HEATR1: variants seen among roughly 807,000 people sequenced by gnomAD.
HEATR1 encodes HEAT repeat-containing protein 1.
HEATR1 carries 77 observed loss-of-function variants against 248.2 expected under a neutral mutation model. The observed-to-expected ratio is 0.31, with a 90% CI of 0.26 to 0.37. HEATR1 has a LOEUF of 0.37. Among genes scored for constraint, HEATR1 ranks in the 10% least tolerant of loss-of-function variants. The pLI, the probability that HEATR1 is intolerant of heterozygous loss-of-function variation, is 1.00. For synonymous variants in HEATR1, 897 were observed against 923.1 expected, an observed-to-expected ratio of 0.97 and a Z score of 0.51; for missense variants, 2,420 against 2,504.9, an observed-to-expected ratio of 0.97 and a Z score of 0.72.
At chr1:236,579,096 T>C (rs1663640628) in intron 20 of HEATR1, among the ~76,000 whole-genome samples, 1 of 152,200 alleles carries the variant, frequency 6.6e-6, no homozygotes. Flanking sequence ...TTCATACAGG[T>C]TGAGCAACCT....
intron 29 of HEATR1, among the ~76,000 whole-genome samples, chr1:236,568,039 C>T (rs981437299): frequency 1.3e-5 from 2 of 152,234 alleles, no homozygotes; most frequent in Non-Finnish European, 2.9e-5. Context: ...CAACCCTCTG[C>T]TCTCCATCAA....
chr1:236,559,287 G>A, intron 34 of HEATR1, 152 bp from the exon 35 acceptor site: 1 of 614,296 alleles, frequency 1.6e-6, no homozygotes. Flanking sequence ...TAACCTTTCA[G>A]GTAGGCATTA....
In HEATR1 at chr1:236,553,645, T is replaced by G; in HGVS notation, c.6173A>C (p.Asp2058Ala). ...GTTCAGTGGTTTCCAAAGAGAGTCA[T>G]CCGCCATGGCCACCGAAAACTGTGC... ...CIAQFSVAMADDSLWKPLNYQ... is the reference protein window; with the variant it reads ...CIAQFSVAMAADSLWKPLNYQ... The change falls in exon 43 of 45, where the codon GAT (aspartate) becomes GCT (alanine). Residue 2058 changes from aspartate to alanine, a missense_variant. By Grantham distance (126) the Asp-to-Ala change is moderately radical. Transcript: ENST00000366582. 2 of 1,614,130 alleles carry G rather than the reference T, an allele frequency of 1.2e-6. No individual in the cohort carries two copies. The highest frequency in any genetic ancestry group is 3.3e-4 in the Middle Eastern group (2 of 6,062).
intron 20 of HEATR1, among the ~76,000 whole-genome samples, chr1:236,580,027 T>A (rs1044928467): frequency 6.6e-6 from 1 of 152,140 alleles, no homozygotes; most frequent in African/African-American, 2.4e-5. Context: ...ACATTACAGT[T>A]TGAAGCATTA....
rs200554151 is a variant in HEATR1 at position 236,582,826 on chromosome 1, G to C, written c.2472C>G (p.Asp824Glu). The change falls in exon 19 of 45, where the codon GAC (aspartate) becomes GAG (glutamate). Residue 824 changes from aspartate to glutamate, a missense_variant. Asp to Glu is a conservative substitution (Grantham distance 45). Coordinates refer to ENST00000366582, the MANE Select transcript of HEATR1 (RefSeq NM_018072.6). ...NPEQLKEDSR[D>E]YLHLLIGLFE... ...ACAGCCCAATGAGCAAGTGCAGATA[G>C]TCCCTGCTGTCTTCTTTCAGTTGTT... is the stretch of plus-strand genomic sequence containing the variant. The C allele has an allele frequency of 2.9e-5, 46 of 1,613,992 alleles. No individual in the cohort carries two copies. The East Asian group carries it at 8.2e-4, about 29-fold the overall frequency.
chr1:236,578,514 T>C (rs1037111329), intron 20 of HEATR1, among the ~76,000 whole-genome samples: 6 of 152,252 alleles, frequency 3.9e-5, no homozygotes, highest in African/African-American at 1.4e-4. Flanking sequence ...ATTACTGATT[T>C]TTGGCTAATG....
rs777443144 is a variant in HEATR1 at position 236,558,448 on chromosome 1, T to C, written c.4993A>G (p.Ile1665Val). 7 of 1,614,236 alleles carry C rather than the reference T, an allele frequency of 4.3e-6. No individual in the cohort carries two copies. The South Asian group carries it at 6.6e-5, about 15-fold the overall frequency. The change falls in exon 36 of 45, where the codon ATC becomes GTC. Residue 1665 changes from isoleucine to valine, a missense_variant. Physicochemically the swap from Ile to Val is conservative, Grantham distance 29. Coordinates refer to ENST00000366582, the MANE Select transcript of HEATR1 (RefSeq NM_018072.6). ...GTATACAACGCTGTCTGTCTGTTGATTGCTTGTTCTTCTTCCCCTTCCTTT... is the reference window on the plus strand; with the variant it reads ...GTATACAACGCTGTCTGTCTGTTGACTGCTTGTTCTTCTTCCCCTTCCTTT... ...KKKEGEEEQA[I>V]NRQTALYTLK...
intron 14 of HEATR1, among the ~76,000 whole-genome samples, chr1:236,587,185 A>G (rs1296999149): frequency 6.6e-6 from 1 of 152,142 alleles, no homozygotes; most frequent in African/African-American, 2.4e-5. Context: ...TTTTATTAAG[A>G]GAAATTCCAA....
Position 236,586,276 on chromosome 1 carries a change from C to A in HEATR1, c.1892G>T (p.Cys631Phe). The A allele has an allele frequency of 6.2e-7, 1 of 1,612,920 alleles. No individual in the cohort carries two copies. Among genetic ancestry groups the A allele is most frequent in the South Asian group, 1.1e-5 (1 of 91,010 alleles). Residue 631 changes from cysteine to phenylalanine, a missense_variant, in exon 15 of 45, where the codon TGC (cysteine) becomes TTC (phenylalanine). Transcript: ENST00000366582. The part of the protein sequence containing the change: ...IAIYLSKSGI[C>F]SLHPLLRGWE... ...GCCTCTTAATAGAGGGTGCAGGGAG[C>A]AGATTCCTGATTTTGATAAATATAT...
chr1:236,560,437 A>AT (rs925643719), intron 33 of HEATR1, among the ~76,000 whole-genome samples: 6 of 152,248 alleles, frequency 3.9e-5, no homozygotes, highest in African/African-American at 1.4e-4. Flanking sequence ...TGCCAGCCTG[A>AT]GGGGGGAGCT....
chr1:236,576,224 C>T lies in HEATR1; in HGVS notation c.3079G>A (p.Gly1027Ser), dbSNP rs766001824. 15 of 1,596,590 alleles carry T rather than the reference C, an allele frequency of 9.4e-6. No individual in the cohort carries two copies. Among genetic ancestry groups the T allele is most frequent in the South Asian group, 6.9e-5 (6 of 87,060 alleles). Reference protein sequence around the residue: ...DLMKVLQGVNGEMVLSQLLPM... With the variant: ...DLMKVLQGVNSEMVLSQLLPM... ...TCCACTTAAATGGCACATACCTCAC[C>T]GTTGACTCCCTGAAGTACTTTCATC... The change falls in exon 22 of 45, where the codon GGT becomes AGT. Residue 1027 changes from glycine to serine, a missense_variant. Coordinates refer to ENST00000366582, the MANE Select transcript of HEATR1 (RefSeq NM_018072.6).
chr1:236,578,466 T>A (rs1046784093), intron 20 of HEATR1, among the ~76,000 whole-genome samples: 1 of 152,226 alleles, frequency 6.6e-6, no homozygotes, highest in Non-Finnish European at 1.5e-5. Context: ...ATTTGAGGAA[T>A]TTTTGATCAT....
rs1157485314 is a variant in HEATR1, at chr1:236,549,910, G to A, written c.*992C>T. On this transcript the variant is annotated 3_prime_UTR_variant, in exon 45 of 45. Coordinates refer to ENST00000366582, the MANE Select transcript of HEATR1 (RefSeq NM_018072.6). The stretch of plus-strand genomic sequence containing the variant: ...ATGCACTTCTATACTAGCAAGCTCT[G>A]TCTCTAAAATGCAAGTTGGCCTTTT... The A allele has an allele frequency of 6.6e-6, 1 of 152,186 alleles. No homozygotes were observed. Among genetic ancestry groups the A allele is most frequent in the Admixed American group, 6.5e-5 (1 of 15,276 alleles). The allele number at this position is 152,186 out of a possible 1,614,324, so 9.4% of individuals were successfully genotyped here. A position where few individuals can be genotyped will look rare whatever the true frequency, so the allele number is the denominator to read the frequency against.
At chr1:236,572,963 C>CT (rs1340356237) in intron 24 of HEATR1, 135 bp from the exon 25 acceptor site, 6 of 773,240 alleles carry the variant, frequency 7.8e-6, no homozygotes, top group Non-Finnish European at 1.1e-5. Context: ...CTGAACCCCC[C>CT]CCAGCATTGG....
rs1448273421 is a variant in HEATR1, at chr1:236,565,981, T to C, written c.4373A>G (p.His1458Arg). ...GATATTCATCAAGCTTTGTATCTGA[T>C]GCTGGACACTAAACTCACAACAGAC... ...FSVCCEFSVQ[H>R]QIQSLMNILQ... Residue 1458 changes from histidine (H) to arginine (R), a missense_variant, in exon 31 of 45, where the codon CAT becomes CGT. Physicochemically the swap from His to Arg is conservative, Grantham distance 29 (BLOSUM62 0). Coordinates refer to ENST00000366582, the MANE Select transcript of HEATR1 (RefSeq NM_018072.6). 2 of 1,613,966 alleles carry C rather than the reference T, an allele frequency of 1.2e-6. No individual in the cohort carries two copies. The highest frequency in any genetic ancestry group is 1.3e-5 in the African/African-American group (1 of 75,064).
In HEATR1 at chr1:236,595,945, A is replaced by G. The variant is rs1294141952; in HGVS notation, c.844T>C (p.Leu282=). The G allele has an allele frequency of 5.6e-6, 9 of 1,613,598 alleles. No homozygotes were observed. The highest frequency in any genetic ancestry group is 4.5e-5 in the East Asian group (2 of 44,870). ...VTMENTFVNS[L]ASQIIKTLTK... is the part of the protein sequence containing the mutation. ...AATGTTTTGATGATCTGTGATGCCAATGAATTCACAAAGGTATTTTCCATG... is the reference window on the plus strand; with the variant it reads ...AATGTTTTGATGATCTGTGATGCCAGTGAATTCACAAAGGTATTTTCCATG... Residue 282 remains leucine (L), a synonymous_variant, in exon 7 of 45, where the codon TTG becomes CTG. Coordinates refer to ENST00000366582, the MANE Select transcript of HEATR1 (RefSeq NM_018072.6).
At chr1:236,592,494 A>AC in intron 10 of HEATR1, 29 bp downstream of exon 10, 1 of 875,686 alleles carries the variant, frequency 1.1e-6, no homozygotes, top group South Asian at 1.4e-5. Context: ...AGTACTTTAG[A>AC]AGAGCATAAA....
In HEATR1 at chr1:236,558,531, TGAAGG is replaced by T; in HGVS notation, c.4912-7_4912-3del. ...AACCAGTTTTAGGAAACGGGTAACC[TGAAGG>T]GGACAGCCAGAATCCCCAAATCATT... On this transcript the variant is annotated splice_polypyrimidine_tract_variant and splice_region_variant and intron_variant, in intron 35 of 44. Transcript: ENST00000366582. 2.5e-6 allele frequency: 4 copies of T among 1,606,410 alleles called. No homozygotes were observed. The highest frequency in any genetic ancestry group is 3.4e-6 in the Non-Finnish European group (4 of 1,175,200).
In HEATR1 at chr1:236,557,271, G is replaced by A; in HGVS notation, c.5279C>T (p.Ala1760Val). The change falls in exon 37 of 45, where the codon GCC becomes GTC. Residue 1760 changes from alanine to valine, a missense_variant. Ala to Val is a moderately conservative substitution (Grantham distance 64). Transcript: ENST00000366582. ...LVSSEVYLLS[A>V]LAALQKVVET... is the part of the protein sequence containing the mutation. The stretch of plus-strand genomic sequence containing the variant: ...CACAACCTTCTGCAGAGCAGCCAAG[G>A]CACTGAGCAGGTAGACCTCGCTGGA... 1 of 1,614,194 alleles carries A rather than the reference G, an allele frequency of 6.2e-7. No homozygotes were observed. The highest frequency in any genetic ancestry group is 8.5e-7 in the Non-Finnish European group (1 of 1,180,020).
Sources: gnomAD v4.1 joint callset for allele counts (sites outside exome capture counted in the v4.1 genomes callset) on GRCh38, gnomAD v4.1.1 for gene constraint, MANE v1.5 for transcripts, NCBI Gene and HGNC (gene_info 2026-07-23, HGNC 2026-07-21) for gene names.